The following NGLY1 variants were observed in gnomAD, a reference collection of about 807,000 sequenced individuals.
The protein encoded by NGLY1 is N-glycanase 1.
Under a neutral mutation model 84.6 loss-of-function variants are expected in NGLY1, and 68 were observed. The observed-to-expected ratio is 0.80, with a 90% CI of 0.66 to 0.98. The LOEUF is 0.98. NGLY1 is among the 50% of genes least tolerant of loss of function. The probability of loss-of-function intolerance (pLI) is 0.00; values close to 1 mark genes in which losing one functional copy is unlikely to be tolerated. For missense variants in NGLY1, 779 were observed against 770.2 expected (o/e 1.01, Z -0.14); for synonymous variants, 280 against 275.2 (o/e 1.02, Z -0.17).
chr3:25,777,162 A>G (rs6795553), intron 2 of NGLY1, among the ~76,000 whole-genome samples: 12,652 of 152,196 alleles, frequency 0.083, 1,163 homozygotes, highest in African/African-American at 0.23. Context: ...TTGGGAGGCC[A>G]AGGCGGGCGG....
rs187564953 is a variant in NGLY1, at chr3:25,789,724, T to A, written c.5+137A>T. ...ACGTTGCGAGCTATAGCAATAACTT[T>A]GAAACTGCAGAGAATTTCCTTAATT... is the stretch of plus-strand genomic sequence containing the variant. On this transcript the variant is annotated intron_variant, in intron 1 of 11. Transcript: ENST00000417874. 4.4e-6 allele frequency: 5 copies of A among 1,133,506 alleles called. No homozygotes were observed. The African/African-American group carries it at 6.2e-5, about 14-fold the overall frequency. The allele number at this position is 1,133,506 out of a possible 1,614,324, so 70.2% of individuals were successfully genotyped here.
At chr3:25,736,532 G>C in intron 6 of NGLY1, 1 of 623,186 alleles carries the variant, frequency 1.6e-6, no homozygotes, top group Non-Finnish European at 2.8e-6. Context: ...CCAGCAGGAA[G>C]TCTAATAGAA....
At chr3:25,772,667 C>T (rs1223492600) in intron 2 of NGLY1, among the ~76,000 whole-genome samples, 6 of 149,902 alleles carry the variant, frequency 4.0e-5, no homozygotes, top group African/African-American at 1.5e-4. Flanking sequence ...TTCTAGTGAT[C>T]ATGCTAGTTG....
intron 2 of NGLY1, among the ~76,000 whole-genome samples, chr3:25,771,933 G>A (rs1707915729): frequency 1.3e-5 from 2 of 152,124 alleles, no homozygotes; most frequent in South Asian, 4.1e-4. Context: ...CTTTTTGGAT[G>A]AGTCTTTAGG....
At chr3:25,772,898 G>A (rs973804002) in intron 2 of NGLY1, among the ~76,000 whole-genome samples, 1 of 152,060 alleles carries the variant, frequency 6.6e-6, no homozygotes, top group African/African-American at 2.4e-5. Flanking sequence ...GCTTAGTTTT[G>A]CTGGATGCAA....
chr3:25,762,999 C>T (rs181268620), intron 3 of NGLY1, among the ~76,000 whole-genome samples: 5 of 152,088 alleles, frequency 3.3e-5, no homozygotes, highest in Admixed American at 3.3e-4. Flanking sequence ...ATGGTGCATG[C>T]CTTTATTTCC....
intron 10 of NGLY1, among the ~76,000 whole-genome samples, chr3:25,727,820 C>G (rs1414573988): frequency 1.3e-5 from 2 of 152,168 alleles, no homozygotes; most frequent in East Asian, 3.8e-4. Context: ...CCCATCATTA[C>G]TACTTTACTA....
At chr3:25,779,284 T>C (rs1472670755) in intron 1 of NGLY1, among the ~76,000 whole-genome samples, 2 of 152,136 alleles carry the variant, frequency 1.3e-5, no homozygotes, top group East Asian at 1.9e-4. Context: ...AAGGAAGACA[T>C]AAATTTCTTT....
At position 25,752,107 on chromosome 3, in the gene NGLY1, A is replaced by C. The variant is rs553312856; in HGVS notation, c.493-844T>G. Among the ~76,000 whole-genome samples, 6 of 152,350 alleles carry C rather than the reference A, an allele frequency of 3.9e-5. No homozygotes were observed. The East Asian group carries it at 7.7e-4, about 20-fold the overall frequency. Reference sequence around the variant, plus strand: ...GATGCATGAGAATCAGTATCAGAAGAACTAATCCTGTAGCAATGACAGCAA... The same window carrying C: ...GATGCATGAGAATCAGTATCAGAAGCACTAATCCTGTAGCAATGACAGCAA... On this transcript the variant is annotated intron_variant, in intron 3 of 11. Coordinates refer to ENST00000280700, the MANE Select transcript of NGLY1 (RefSeq NM_018297.4).
At chr3:25,786,824 A>G (rs892912736), upstream of NGLY1, among the ~76,000 whole-genome samples, 2 of 152,254 alleles carry the variant, frequency 1.3e-5, no homozygotes, top group Admixed American at 1.3e-4. Context: ...CGCAAAAGTC[A>G]TTTGGTGAGA....
intron 9 of NGLY1, among the ~76,000 whole-genome samples, 187 bp downstream of exon 9, chr3:25,732,132 G>A (rs1378468145): frequency 1.3e-5 from 2 of 152,084 alleles, no homozygotes; most frequent in African/African-American, 4.8e-5. Flanking sequence ...AAAATGCTTT[G>A]CTAACTCTTA....
chr3:25,725,771 GAACAA>G (rs1305922760), intron 10 of NGLY1, among the ~76,000 whole-genome samples: 1 of 152,068 alleles, frequency 6.6e-6, no homozygotes, highest in African/African-American at 2.4e-5. Context: ...CTTGTAGAGT[GAACAA>G]AACAAAACAA....
chr3:25,748,214 T>C (rs1032563157), intron 4 of NGLY1, among the ~76,000 whole-genome samples: 8 of 152,296 alleles, frequency 5.3e-5, no homozygotes, highest in African/African-American at 1.7e-4. Flanking sequence ...ACTAAAATAC[T>C]GAGATTTAAT....
chr3:25,735,605 C>T (rs376621502), intron 7 of NGLY1: 1 of 154,606 alleles, frequency 6.5e-6, no homozygotes, highest in Non-Finnish European at 1.4e-5. Context: ...GGCACAACCA[C>T]GTTGGAAAAT....
intron 6 of NGLY1, 189 bp downstream of exon 6, chr3:25,737,145 G>A: frequency 1.9e-6 from 1 of 514,740 alleles, no homozygotes. Context: ...AGTGCTAGGT[G>A]TTTTACAAAA....
chr3:25,729,291 C>A lies in NGLY1; in HGVS notation c.1453G>T (p.Glu485Ter). 2 of 1,456,634 alleles carry A rather than the reference C, an allele frequency of 1.4e-6. No homozygotes were observed. The highest frequency in any genetic ancestry group is 1.6e-5 in the South Asian group (1 of 63,696). The allele number at this position is 1,456,634 out of a possible 1,614,324, so 90.2% of individuals were successfully genotyped here. A position where few individuals can be genotyped will look rare whatever the true frequency, so the allele number is the denominator to read the frequency against. Residue 485 changes from glutamate to a stop codon, truncating the protein, a stop_gained, in exon 10 of 12, where the codon GAA becomes TAA. Transcript: ENST00000280700. LOFTEE classifies it high-confidence loss of function. ...QRKETLFIPC[E>*]NEKISKQLHL... ...AGCTGTTTAGAAATCTTCTCATTTT[C>A]ACAGGGAATAAACAAGGTTTCTTTT...
intron 2 of NGLY1, among the ~76,000 whole-genome samples, chr3:25,775,072 TC>T (rs1362923008): frequency 6.6e-6 from 1 of 152,220 alleles, no homozygotes; most frequent in Non-Finnish European, 1.5e-5. Flanking sequence ...ATTTTCAGGT[TC>T]CCCAGTGGAC....
chr3:25,720,076 A>G lies in NGLY1; in HGVS notation c.1727T>C (p.Phe576Ser). The G allele has an allele frequency of 6.2e-7, 1 of 1,613,942 alleles. No homozygotes were observed. Residue 576 changes from phenylalanine (F) to serine (S), a missense_variant, in exon 11 of 12, where the codon TTT becomes TCT. By Grantham distance (155) the Phe-to-Ser change is radical. Transcript: ENST00000280700. ...SISIRTSSQT[F>S]QTGTVEWKLR... is the part of the protein sequence containing the mutation. The stretch of plus-strand genomic sequence containing the variant: ...TTTCCATTCTACTGTTCCAGTCTGA[A>G]AAGTTTGACTACTTGTTCTAATAGA...
At position 25,751,014 on chromosome 3, in the gene NGLY1, T is replaced by G. The variant is rs1055929029; in HGVS notation, c.658+84A>C. On this transcript the variant is annotated intron_variant, in intron 4 of 11. Transcript: ENST00000280700. ...CCCATGCAGTTCAAACCCATGTTCT[T>G]CAAGGGTCAGTTGTATTTCAGTATT... 9.1e-5 allele frequency: 124 copies of G among 1,357,144 alleles called. 2 individuals carry two copies. The East Asian group carries it at 2.9e-3, about 32-fold the overall frequency. The allele number at this position is 1,357,144 out of a possible 1,614,324, so 84.1% of individuals were successfully genotyped here.
Sources: gnomAD v4.1 joint callset for allele counts (sites outside exome capture counted in the v4.1 genomes callset) on GRCh38, gnomAD v4.1.1 for gene constraint, MANE v1.5 for transcripts, NCBI Gene and HGNC (gene_info 2026-07-23, HGNC 2026-07-21) for gene names.